The following CLYBL variants were observed in gnomAD, a reference collection of about 807,000 sequenced individuals.
CLYBL encodes citramalyl-CoA lyase.
In CLYBL, 31 loss-of-function variants were observed where a neutral mutation model predicts 38.9. The ratio of observed to expected loss-of-function variants is 0.80; its 90% CI spans 0.60 to 1.08. The LOEUF (loss-of-function observed/expected upper bound fraction) is 1.08. Among genes scored for constraint, CLYBL ranks in the 50% least tolerant of loss-of-function variants. CLYBL has a pLI of 0.00. For missense variants in CLYBL, 434 were observed against 411.6 expected, an observed-to-expected ratio of 1.05 and a Z score of -0.47; for synonymous variants, 171 against 158.6, an observed-to-expected ratio of 1.08 and a Z score of -0.59.
intron 1 of CLYBL, among the ~76,000 whole-genome samples, chr13:99,739,231 A>T (rs2048712602): frequency 1.3e-5 from 2 of 152,182 alleles, no homozygotes; most frequent in Admixed American, 1.3e-4. Flanking sequence ...AGCCCTTTAA[A>T]AGGGATTGCA....
chr13:99,804,328 G>T (rs375269640), intron 2 of CLYBL, among the ~76,000 whole-genome samples: 3 of 152,320 alleles, frequency 2.0e-5, no homozygotes, highest in South Asian at 4.1e-4. Flanking sequence ...TGTTGTTTGG[G>T]CTACAGCAGG....
intron 1 of CLYBL, among the ~76,000 whole-genome samples, chr13:99,623,032 T>C (rs957517683): frequency 2.6e-5 from 4 of 152,214 alleles, no homozygotes; most frequent in African/African-American, 9.6e-5. Context: ...TGATGGACAT[T>C]TGGGCTGTTT....
At chr13:99,637,489 G>A (rs192803696) in intron 1 of CLYBL, among the ~76,000 whole-genome samples, 1 of 152,192 alleles carries the variant, frequency 6.6e-6, no homozygotes, top group Non-Finnish European at 1.5e-5. Flanking sequence ...AGCCGGGCAC[G>A]GTGGCTCACG....
At chr13:99,781,060 A>G (rs2049638009) in intron 2 of CLYBL, among the ~76,000 whole-genome samples, 1 of 151,360 alleles carries the variant, frequency 6.6e-6, no homozygotes, top group Admixed American at 6.6e-5. Context: ...CACTTTAATT[A>G]CACCATTATA....
At chr13:99,844,721 C>T (rs879426316) in intron 2 of CLYBL, among the ~76,000 whole-genome samples, 1 of 152,178 alleles carries the variant, frequency 6.6e-6, no homozygotes, top group Non-Finnish European at 1.5e-5. Context: ...TTGCCATCTT[C>T]GAAAACAGGC....
At chr13:99,776,510 GTTT>G (rs67909322) in intron 2 of CLYBL, among the ~76,000 whole-genome samples, 42 of 145,044 alleles carry the variant, frequency 2.9e-4, no homozygotes, top group African/African-American at 4.0e-4. Flanking sequence ...AAAAAAAGTT[GTTT>G]TTTTTTTTTT....
intron 2 of CLYBL, among the ~76,000 whole-genome samples, chr13:99,843,243 C>T (rs2051126428): frequency 6.6e-6 from 1 of 152,170 alleles, no homozygotes; most frequent in African/African-American, 2.4e-5. Context: ...ATCAGTCAGA[C>T]AAAAGGACTC....
intron 2 of CLYBL, among the ~76,000 whole-genome samples, chr13:99,832,061 G>A (rs1471849920): frequency 6.6e-6 from 1 of 152,204 alleles, no homozygotes; most frequent in East Asian, 1.9e-4. Context: ...GAATTTACTA[G>A]CTTCCAGTCG....
At chr13:99,847,788 C>T (rs1276464235) in intron 2 of CLYBL, among the ~76,000 whole-genome samples, 2 of 152,204 alleles carry the variant, frequency 1.3e-5, no homozygotes, top group East Asian at 1.9e-4. Flanking sequence ...AGGATGGATC[C>T]TCCCGAAGGC....
chr13:99,787,825 C>G (rs1371539765), intron 2 of CLYBL, among the ~76,000 whole-genome samples: 3 of 152,196 alleles, frequency 2.0e-5, no homozygotes, highest in Non-Finnish European at 4.4e-5. Context: ...TTCTTCCTAT[C>G]CATGAGCATG....
chr13:99,625,906 T>C (rs1395092807), intron 1 of CLYBL, among the ~76,000 whole-genome samples: 1 of 152,098 alleles, frequency 6.6e-6, no homozygotes, highest in Non-Finnish European at 1.5e-5. Flanking sequence ...TTCCAGAAGG[T>C]GCTTTGGCGC....
chr13:99,688,598 C>CTT (rs75948028), intron 1 of CLYBL, among the ~76,000 whole-genome samples: 2 of 139,710 alleles, frequency 1.4e-5, no homozygotes, highest in Admixed American at 7.2e-5. Flanking sequence ...TAGTCCGATT[C>CTT]TTTTTTTTTT....
At chr13:99,834,585 T>C (rs140978038) in intron 2 of CLYBL, among the ~76,000 whole-genome samples, 2 of 152,290 alleles carry the variant, frequency 1.3e-5, no homozygotes, top group South Asian at 2.1e-4. Context: ...CCAGTGGCTA[T>C]CCTGGCATAT....
intron 1 of CLYBL, among the ~76,000 whole-genome samples, chr13:99,659,789 C>T (rs2047382697): frequency 1.3e-5 from 2 of 152,136 alleles, no homozygotes; most frequent in Admixed American, 1.3e-4. Context: ...ATTAAAACCA[C>T]TAGGATTCTA....
chr13:99,701,637 A>G (rs186908702), intron 1 of CLYBL, among the ~76,000 whole-genome samples: 99 of 151,854 alleles, frequency 6.5e-4, no homozygotes, highest in African/African-American at 1.7e-3. Flanking sequence ...TTCCCATTTA[A>G]CAAAGGCTTG....
chr13:99,895,727 A>C (rs369941049), downstream of CLYBL: 1 of 152,170 alleles, frequency 6.6e-6, no homozygotes, highest in African/African-American at 2.4e-5. Context: ...GTCAGTAAGA[A>C]TTGCCCACGA....
chr13:99,864,876 TC>T lies in CLYBL; in HGVS notation c.600del (p.Val201PhefsTer11), dbSNP rs2051701264. The T allele has an allele frequency of 6.2e-7, 1 of 1,614,032 alleles. No homozygotes were observed. The highest frequency in any genetic ancestry group is 1.3e-5 in the African/African-American group (1 of 75,032). ...CAAGTAGGTCTCTTTCTAGATGCAG[TC>T]GTTTTTGGAGGAGAAGACTTTCGAG... Reference protein sequence around the residue: ...GPQVGLFLDAVVFGGEDFRAS... With the variant: ...GPQVGLFLDAXVFGGEDFRAS... On this transcript the variant is annotated frameshift_variant, in exon 5 of 9. Transcript: ENST00000339105. LOFTEE classifies it high-confidence loss of function.
intron 1 of CLYBL, among the ~76,000 whole-genome samples, chr13:99,705,958 T>C (rs940804750): frequency 1.3e-5 from 2 of 150,312 alleles, no homozygotes; most frequent in Admixed American, 1.3e-4. Context: ...AAAGACAGAG[T>C]TTTCCTCTTG....
At chr13:99,714,640 A>G (rs2048285125) in intron 1 of CLYBL, among the ~76,000 whole-genome samples, 1 of 149,342 alleles carries the variant, frequency 6.7e-6, no homozygotes, top group Non-Finnish European at 1.5e-5. Flanking sequence ...TAAATAAATA[A>G]TAAAAATAAA....
Sources: gnomAD v4.1 joint callset for allele counts (sites outside exome capture counted in the v4.1 genomes callset) on GRCh38, gnomAD v4.1.1 for gene constraint, MANE v1.5 for transcripts, NCBI Gene and HGNC (gene_info 2026-07-23, HGNC 2026-07-21) for gene names.